The following ATG14 variants were observed in gnomAD, a reference collection of about 807,000 sequenced individuals.
ATG14 encodes the protein autophagy related 14, also known as beclin 1-associated autophagy-related key regulator.
ATG14 carries 35 observed loss-of-function variants against 60.4 expected under a neutral mutation model. The ratio of observed to expected loss-of-function variants is 0.58; its 90% CI spans 0.44 to 0.77. The LOEUF (loss-of-function observed/expected upper bound fraction) is 0.77, where lower values mean the gene tolerates loss of function less well. ATG14 is among the 30% of genes least tolerant of loss of function. The pLI is 0.00. For missense variants in ATG14, 647 were observed against 626.3 expected (o/e 1.03, Z -0.35); for synonymous variants, 234 against 228.8 (o/e 1.02, Z -0.21).
intron 3 of ATG14, among the ~76,000 whole-genome samples, chr14:55,392,162 T>A (rs933835981): frequency 1.3e-5 from 2 of 152,152 alleles, no homozygotes; most frequent in Non-Finnish European, 2.9e-5. Context: ...GTGCAGTCCA[T>A]AATAGAGTTC....
At chr14:55,396,814 G>A (rs975402637) in intron 2 of ATG14, among the ~76,000 whole-genome samples, 4 of 151,942 alleles carry the variant, frequency 2.6e-5, no homozygotes, top group African/African-American at 9.7e-5. Flanking sequence ...ATTCATCAGG[G>A]GTGCCTGTTA....
chr14:55,383,346 T>C (rs1885067377), intron 5 of ATG14, among the ~76,000 whole-genome samples: 1 of 151,940 alleles, frequency 6.6e-6, no homozygotes, highest in African/African-American at 2.4e-5. Flanking sequence ...AGGTCAGGAA[T>C]TCGAGATCAG....
At chr14:55,402,539 A>ATGAT (rs756254123) in intron 1 of ATG14, among the ~76,000 whole-genome samples, 32 of 152,120 alleles carry the variant, frequency 2.1e-4, no homozygotes, top group Non-Finnish European at 4.1e-4. Flanking sequence ...GAAAGACTAA[A>ATGAT]TGATAGTATA....
At chr14:55,403,612 G>A (rs192973195) in intron 1 of ATG14, among the ~76,000 whole-genome samples, 1 of 152,040 alleles carries the variant, frequency 6.6e-6, no homozygotes, top group Non-Finnish European at 1.5e-5. Flanking sequence ...GTTTACAGCT[G>A]TAAAAGGAAT....
chr14:55,411,755 G>A lies in ATG14; in HGVS notation c.68C>T (p.Ala23Val), dbSNP rs765419666. Residue 23 changes from alanine (A) to valine (V), a missense_variant, in exon 1 of 10, where the codon GCC becomes GTC. Ala to Val is a moderately conservative substitution (Grantham distance 64). Transcript: ENST00000247178. Reference protein sequence around the residue: ...EAPGCGPRPLARDLVDSVDDA... With the variant: ...EAPGCGPRPLVRDLVDSVDDA... ...GTCCACGGAGTCCACCAGGTCCCGG[G>A]CGAGCGGCCGGGGCCCGCAGCCAGG... is the stretch of plus-strand genomic sequence containing the variant. The A allele has an allele frequency of 3.7e-6, 6 of 1,607,608 alleles. No individual in the cohort carries two copies. The African/African-American group carries it at 6.7e-5, about 18-fold the overall frequency.
intron 1 of ATG14, among the ~76,000 whole-genome samples, chr14:55,405,018 T>C (rs1885466944): frequency 6.6e-6 from 1 of 152,072 alleles, no homozygotes; most frequent in African/African-American, 2.4e-5. Context: ...TAGCTGAAAA[T>C]AAGTTATATT....
chr14:55,402,008 G>A (rs916204949), intron 1 of ATG14, among the ~76,000 whole-genome samples: 10 of 152,148 alleles, frequency 6.6e-5, no homozygotes, highest in African/African-American at 2.2e-4. Flanking sequence ...TCTGTTCCCC[G>A]GCTACAATCA....
chr14:55,384,437 CCT>C (rs1640862949), intron 5 of ATG14, among the ~76,000 whole-genome samples: 1 of 152,228 alleles, frequency 6.6e-6, no homozygotes, highest in Non-Finnish European at 1.5e-5. Flanking sequence ...ACCTTATTCA[CCT>C]CTCTCCAACT....
Position 55,395,962 on chromosome 14 carries a change from C to T in ATG14, c.305G>A (p.Gly102Glu), listed in dbSNP as rs1885307592. Residue 102 changes from glycine to glutamate, a missense_variant, in exon 3 of 10, where the codon GGA (glycine) becomes GAA (glutamate). Coordinates refer to ENST00000247178, the MANE Select transcript of ATG14 (RefSeq NM_014924.5). ...FQKEVLKAME[G>E]KWITDQLRWK... ...TACCAACTGATCTGTTATCCATTTT[C>T]CTTCCATAGCTTTTAACACTCTGTG... The T allele has an allele frequency of 1.3e-6, 2 of 1,595,036 alleles. No individual in the cohort carries two copies. Among genetic ancestry groups the T allele is most frequent in the Non-Finnish European group, 1.7e-6 (2 of 1,172,458 alleles).
At chr14:55,410,055 A>C (rs1885547560) in intron 1 of ATG14, among the ~76,000 whole-genome samples, 1 of 152,192 alleles carries the variant, frequency 6.6e-6, no homozygotes, top group African/African-American at 2.4e-5. Context: ...AGTTGGGTTA[A>C]GAGAGGAGTC....
At chr14:55,402,929 AT>A (rs1157918888) in intron 1 of ATG14, among the ~76,000 whole-genome samples, 7 of 16,368 alleles carry the variant, frequency 4.3e-4, no homozygotes, top group Admixed American at 5.9e-4. Context: ...AAAAAAAAAT[AT>A]ATATATATAT....
In ATG14 at chr14:55,367,307, C is replaced by G. The variant is rs1208350034; in HGVS notation, c.*2312G>C. On this transcript the variant is annotated 3_prime_UTR_variant, in exon 10 of 10. Transcript: ENST00000247178. ...GAGGGTTTTAAGTAGCTAGACAACT[C>G]TTACAAGATCGTTAAGTTTATTTAT... 1 of 152,188 alleles carries G rather than the reference C, an allele frequency of 6.6e-6. No individual in the cohort carries two copies. The highest frequency in any genetic ancestry group is 2.4e-5 in the African/African-American group (1 of 41,434). The allele number at this position is 152,188 out of a possible 1,614,324, so 9.4% of individuals were successfully genotyped here.
intron 7 of ATG14, 35 bp downstream of exon 7, chr14:55,380,538 T>C: frequency 2.3e-6 from 3 of 1,330,208 alleles, no homozygotes; most frequent in African/African-American, 1.5e-5. Flanking sequence ...GAAAGAGCCA[T>C]GATAAAGATG....
intron 3 of ATG14, among the ~76,000 whole-genome samples, chr14:55,394,389 T>C (rs577039128): frequency 6.6e-6 from 1 of 152,254 alleles, no homozygotes; most frequent in Non-Finnish European, 1.5e-5. Context: ...ATTCTTAATA[T>C]ACATACCCAA....
In ATG14 at chr14:55,402,968, T is replaced by TAA. The variant is rs1555342971; in HGVS notation, c.222-5536_222-5535dup. 1.7e-3 allele frequency among the ~76,000 whole-genome samples: 106 copies of TAA among 60,970 alleles called. 1 individual carries two copies. Among genetic ancestry groups the TAA allele is most frequent in the East Asian group, 0.017 (35 of 2,050 alleles). 40.0% of individuals were successfully genotyped at this position (60,970 alleles called of 152,430 possible). ...ATATATATATATATATATATATATA[T>TAA]AAATAGCTGGGCATAGTGGTGCATG... On this transcript the variant is annotated intron_variant, in intron 1 of 9. Transcript: ENST00000247178.
chr14:55,376,708 G>A (rs1213091641), intron 9 of ATG14, among the ~76,000 whole-genome samples: 2 of 152,130 alleles, frequency 1.3e-5, no homozygotes, highest in East Asian at 3.9e-4. Context: ...GATGCGGAAG[G>A]GAAACCCAAA....
chr14:55,395,894 T>G lies in ATG14; in HGVS notation c.327+46A>C, dbSNP rs769514064. The G allele has an allele frequency of 1.3e-5, 18 of 1,400,422 alleles. No individual in the cohort carries two copies. In the Admixed American group the frequency reaches 3.6e-4, roughly 28 times the overall value. The allele number at this position is 1,400,422 out of a possible 1,614,324, so 86.7% of individuals were successfully genotyped here. The stretch of plus-strand genomic sequence containing the variant: ...AATAATTTTATAAGCTCTACCAACT[T>G]AAAAACATGTAGCCTCAAGTAAAAA... On this transcript the variant is annotated intron_variant, in intron 3 of 9. Coordinates refer to ENST00000247178, the MANE Select transcript of ATG14 (RefSeq NM_014924.5).
Position 55,391,005 on chromosome 14 carries a change from T to C in ATG14, c.328-13A>G. On this transcript the variant is annotated splice_polypyrimidine_tract_variant and intron_variant, in intron 3 of 9. Transcript: ENST00000247178. ...TTATTTTCCATCTCTGAAAAAAGCA[T>C]GTAATAAATATCACAAACGTTGGTC... 1.9e-6 allele frequency: 3 copies of C among 1,588,090 alleles called. No homozygotes were observed. The highest frequency in any genetic ancestry group is 1.7e-6 in the Non-Finnish European group (2 of 1,161,138).
In ATG14 at chr14:55,375,490, A is replaced by ATTT. The variant is rs779634897; in HGVS notation, c.1172+2326_1172+2328dup. 4.5e-3 allele frequency among the ~76,000 whole-genome samples: 524 copies of ATTT among 117,736 alleles called. 6 individuals are homozygous for ATTT. Among genetic ancestry groups the ATTT allele is most frequent in the African/African-American group, 0.013 (394 of 29,262 alleles). The allele number at this position is 117,736 out of a possible 152,430, so 77.2% of individuals were successfully genotyped here. A position where few individuals can be genotyped will look rare whatever the true frequency, so the allele number is the denominator to read the frequency against. On this transcript the variant is annotated intron_variant, in intron 9 of 9. Transcript: ENST00000247178. ...GGCATGCATTACCACGCCGGGCTAAATTTTTTTTTTTTTTTTTTTTTTTTT... is the reference window on the plus strand; with the variant it reads ...GGCATGCATTACCACGCCGGGCTAAATTTTTTTTTTTTTTTTTTTTTTTTTTTT...
Sources: allele counts gnomAD v4.1 joint callset (sites outside exome capture counted in the v4.1 genomes callset), GRCh38; gene constraint gnomAD v4.1.1; transcripts MANE v1.5; gene names NCBI Gene and HGNC (gene_info 2026-07-23, HGNC 2026-07-21).